NAV2: variants seen among roughly 807,000 people sequenced by gnomAD.
NAV2 encodes helicase, APC down-regulated 1.
NAV2 carries 54 observed loss-of-function variants against 223.2 expected under a neutral mutation model. The ratio of observed to expected loss-of-function variants is 0.24; its 90% confidence interval spans 0.19 to 0.30. NAV2 has a LOEUF of 0.30. Among genes scored for constraint, NAV2 ranks in the 10% least tolerant of loss-of-function variants. The probability of loss-of-function intolerance (pLI) is 1.00; values close to 1 mark genes in which losing one functional copy is unlikely to be tolerated. For missense variants in NAV2, 2,806 were observed against 3,147.5 expected, an observed-to-expected ratio of 0.89 and a Z score of 2.60; for synonymous variants, 1,279 against 1,239.3, an observed-to-expected ratio of 1.03 and a Z score of -0.67.
chr11:19,365,630 A>G (rs1435339583), intron 1 of NAV2, among the ~76,000 whole-genome samples: 2 of 152,216 alleles, frequency 1.3e-5, no homozygotes, highest in Non-Finnish European at 2.9e-5. Flanking sequence ...TTTGTTCCCA[A>G]TTAGACTCTA....
At chr11:19,520,923 G>T (rs371596792) in intron 1 of NAV2, among the ~76,000 whole-genome samples, 1 of 152,226 alleles carries the variant, frequency 6.6e-6, no homozygotes, top group Non-Finnish European at 1.5e-5. Context: ...GGCAAATGGG[G>T]ATTTTACAGC....
chr11:19,381,357 T>G (rs1301474026), intron 1 of NAV2, among the ~76,000 whole-genome samples: 1 of 152,232 alleles, frequency 6.6e-6, no homozygotes, highest in East Asian at 1.9e-4. Context: ...CATTAAACAC[T>G]TAATTTAAGG....
Position 20,036,506 on chromosome 11 carries a change from T to C in NAV2, c.2907+409T>C, listed in dbSNP as rs1266444046. On this transcript the variant is annotated intron_variant, in intron 12 of 37. Transcript: ENST00000349880. ...CACGTGTCTAATCCCTGTAGGAGGATGGGGTGGAAATAAAGATTGAGAACC... is the reference window on the plus strand; with the variant it reads ...CACGTGTCTAATCCCTGTAGGAGGACGGGGTGGAAATAAAGATTGAGAACC... Among the ~76,000 whole-genome samples the C allele has an allele frequency of 2.0e-5, 3 of 152,188 alleles. No homozygotes were observed. The East Asian group carries it at 5.8e-4, about 29-fold the overall frequency.
At position 20,044,249 on chromosome 11, in the gene NAV2, G is replaced by A; in HGVS notation, c.3176G>A (p.Gly1059Asp). 1.9e-6 allele frequency: 3 copies of A among 1,611,802 alleles called. No individual in the cohort carries two copies. The highest frequency in any genetic ancestry group is 2.5e-6 in the Non-Finnish European group (3 of 1,178,184). Reference sequence around the variant, plus strand: ...AGGACGAAGCCTTCAGCCCCGGCAGGCGCACTGAAGACCCCAGGAACTGGT... The same window carrying A: ...AGGACGAAGCCTTCAGCCCCGGCAGACGCACTGAAGACCCCAGGAACTGGT... The part of the protein sequence containing the change: ...MPRTKPSAPA[G>D]ALKTPGTGKT... The change falls in exon 13 of 38, where the codon GGC becomes GAC. Residue 1059 changes from glycine to aspartate, a missense_variant. By Grantham distance (94) the Gly-to-Asp change is moderately conservative (BLOSUM62 -1). Around this residue, in one of 4 missense-constraint regions of NAV2, gnomAD observed 742 missense variants for 777.9 expected, o/e 0.95. Transcript: ENST00000349880.
intron 1 of NAV2, among the ~76,000 whole-genome samples, chr11:19,519,117 C>A (rs2043559458): frequency 6.6e-6 from 1 of 152,316 alleles, no homozygotes; most frequent in African/African-American, 2.4e-5. Flanking sequence ...TTTGTTATAG[C>A]AGCCTGAAGT....
chr11:19,970,898 T>G (rs1229559431), intron 10 of NAV2, among the ~76,000 whole-genome samples: 1 of 152,230 alleles, frequency 6.6e-6, no homozygotes, highest in East Asian at 1.9e-4. Context: ...GTTCTGTAGT[T>G]CCATGAAACT....
chr11:19,978,037 C>T (rs574525334), intron 10 of NAV2, among the ~76,000 whole-genome samples: 1 of 151,248 alleles, frequency 6.6e-6, no homozygotes, highest in East Asian at 1.9e-4. Flanking sequence ...GTTAGCCAGG[C>T]AGGTCTCAAG....
At chr11:19,842,615 C>G (rs2060570548) in intron 2 of NAV2, among the ~76,000 whole-genome samples, 1 of 152,150 alleles carries the variant, frequency 6.6e-6, no homozygotes, top group Non-Finnish European at 1.5e-5. Flanking sequence ...CACGATGCCC[C>G]TTCACTCCAA....
At chr11:20,093,562 T>C (rs2061006302) in intron 29 of NAV2, among the ~76,000 whole-genome samples, 1 of 152,090 alleles carries the variant, frequency 6.6e-6, no homozygotes, top group South Asian at 2.1e-4. Flanking sequence ...GGTACAGAAA[T>C]AAACTGACCA....
At chr11:19,469,528 T>A (rs191146332) in intron 1 of NAV2, among the ~76,000 whole-genome samples, 27 of 152,292 alleles carry the variant, frequency 1.8e-4, no homozygotes, top group African/African-American at 6.0e-4. Flanking sequence ...ATGTGGTTAG[T>A]GGCATTGGTT....
chr11:19,428,102 C>A (rs952092304), intron 1 of NAV2, among the ~76,000 whole-genome samples: 4 of 152,018 alleles, frequency 2.6e-5, no homozygotes, highest in African/African-American at 9.7e-5. Flanking sequence ...ATTTCTTCTG[C>A]TATTATAATG....
intron 1 of NAV2, chr11:19,714,575 G>A: frequency 2.4e-6 from 1 of 425,458 alleles, no homozygotes; most frequent in Non-Finnish European, 4.8e-6. Flanking sequence ...CCGGCAGCTG[G>A]AGACTCCTAG....
intron 1 of NAV2, among the ~76,000 whole-genome samples, chr11:19,421,764 C>CTTTTTTTTTTT (rs373669949): frequency 2.4e-5 from 2 of 84,542 alleles, no homozygotes; most frequent in Non-Finnish European, 2.0e-5. Context: ...AAGAGAGAGG[C>CTTTTTTTTTTT]TTTTTTTTTT....
At chr11:19,766,824 A>G (rs1490651293) in intron 1 of NAV2, among the ~76,000 whole-genome samples, 1 of 152,172 alleles carries the variant, frequency 6.6e-6, no homozygotes, top group Admixed American at 6.5e-5. Context: ...GCTATAGTCC[A>G]GAGGCCTCAG....
intron 1 of NAV2, among the ~76,000 whole-genome samples, chr11:19,583,551 C>A (rs1382079493): frequency 1.3e-5 from 2 of 152,148 alleles, no homozygotes; most frequent in Non-Finnish European, 2.9e-5. Flanking sequence ...AGACATGTCC[C>A]ATCAATACCT....
chr11:19,419,429 C>A (rs1313465208), intron 1 of NAV2, among the ~76,000 whole-genome samples: 2 of 152,100 alleles, frequency 1.3e-5, no homozygotes, highest in Non-Finnish European at 2.9e-5. Context: ...TTTCCAGCAG[C>A]GTGCATACCT....
intron 1 of NAV2, among the ~76,000 whole-genome samples, chr11:19,728,234 A>T (rs555502118): frequency 6.6e-6 from 1 of 152,358 alleles, no homozygotes; most frequent in East Asian, 1.9e-4. Context: ...CACTGTTCTT[A>T]GAGTCAAAAA....
At chr11:19,564,583 G>C (rs1231461362) in intron 1 of NAV2, among the ~76,000 whole-genome samples, 3 of 151,952 alleles carry the variant, frequency 2.0e-5, no homozygotes, top group Non-Finnish European at 4.4e-5. Flanking sequence ...GCAACTGCGT[G>C]AGGTGCCTCA....
intron 1 of NAV2, among the ~76,000 whole-genome samples, chr11:19,363,243 G>A (rs1242608265): frequency 6.6e-6 from 1 of 152,040 alleles, no homozygotes; most frequent in Admixed American, 6.6e-5. Context: ...GTGGCTTTCT[G>A]TTCCTGTGTT....
Sources: gnomAD v4.1 joint callset for allele counts (sites outside exome capture counted in the v4.1 genomes callset) on GRCh38, gnomAD v4.1.1 for gene constraint, gnomAD v4.1.1 regional missense constraint, MANE v1.5 for transcripts, NCBI Gene and HGNC (gene_info 2026-07-23, HGNC 2026-07-21) for gene names.